Variants in PRKAG2 observed in about 807,000 individuals in gnomAD.
PRKAG2 encodes the protein protein kinase AMP-activated non-catalytic subunit gamma 2.
PRKAG2 carries 26 observed loss-of-function variants against 69.6 expected under a neutral mutation model. That is an observed-to-expected ratio of 0.37 (90% CI 0.27 to 0.52). The LOEUF (loss-of-function observed/expected upper bound fraction) is 0.52. Among genes scored for constraint, PRKAG2 ranks in the 20% least tolerant of loss-of-function variants. The probability of loss-of-function intolerance (pLI) is 0.90; values close to 1 mark genes in which losing one functional copy is unlikely to be tolerated. For synonymous variants in PRKAG2, 293 were observed against 285.0 expected (o/e 1.03, Z -0.28); for missense variants, 557 against 740.0 (o/e 0.75, Z 2.87).
chr7:151,602,767 T>C (rs762091841), intron 5 of PRKAG2, among the ~76,000 whole-genome samples: 14 of 152,166 alleles, frequency 9.2e-5, no homozygotes, highest in African/African-American at 1.2e-4. Flanking sequence ...TGGGAGGTGA[T>C]TGGATCATGG....
chr7:151,838,162 G>C (rs970885832), intron 1 of PRKAG2, among the ~76,000 whole-genome samples: 2 of 152,136 alleles, frequency 1.3e-5, no homozygotes, highest in African/African-American at 4.8e-5. Context: ...ATTTCTAGAA[G>C]CAACGAAGGA....
intron 2 of PRKAG2, among the ~76,000 whole-genome samples, chr7:151,783,107 C>A (rs1328278330): frequency 1.3e-5 from 2 of 152,168 alleles, no homozygotes. Context: ...CACTAGAGGG[C>A]GGCCCAAGCC....
chr7:151,589,955 AG>A (rs967465894), intron 6 of PRKAG2, among the ~76,000 whole-genome samples: 1 of 152,172 alleles, frequency 6.6e-6, no homozygotes. Context: ...AAGAAGAAGA[AG>A]AAAAAAGAAA....
chr7:151,741,844 A>G (rs1295686484), intron 3 of PRKAG2, among the ~76,000 whole-genome samples: 5 of 152,324 alleles, frequency 3.3e-5, no homozygotes, highest in Admixed American at 3.3e-4. Flanking sequence ...CGTGCAGGGC[A>G]GTTGTTGATT....
intron 15 of PRKAG2, chr7:151,559,986 C>T (rs1804544685): frequency 1.0e-6 from 1 of 985,388 alleles, no homozygotes; most frequent in Non-Finnish European, 1.2e-6. Flanking sequence ...CTGTCTGAGA[C>T]TCTGAAGGCT....
intron 1 of PRKAG2, among the ~76,000 whole-genome samples, chr7:151,824,082 G>A (rs1047440900): frequency 1.3e-5 from 2 of 152,170 alleles, no homozygotes; most frequent in African/African-American, 4.8e-5. Context: ...TGTGAAGTCG[G>A]AAATCTGAGC....
chr7:151,820,213 T>C (rs1478758717), intron 1 of PRKAG2, among the ~76,000 whole-genome samples: 1 of 152,236 alleles, frequency 6.6e-6, no homozygotes, highest in Non-Finnish European at 1.5e-5. Flanking sequence ...TTCTAAAAAA[T>C]GGTGCATGCC....
chr7:151,848,654 A>G (rs2079496599), intron 1 of PRKAG2, among the ~76,000 whole-genome samples: 1 of 149,608 alleles, frequency 6.7e-6, no homozygotes, highest in African/African-American at 2.5e-5. Flanking sequence ...CCTCCTGAGT[A>G]GCTGGGATTA....
intron 1 of PRKAG2, among the ~76,000 whole-genome samples, chr7:151,862,208 C>T (rs1191571644): frequency 1.3e-5 from 2 of 152,088 alleles, no homozygotes; most frequent in African/African-American, 4.8e-5. Context: ...ACTAGTCAAT[C>T]AGCCTGAGCC....
chr7:151,720,632 G>C (rs1472280223), intron 3 of PRKAG2, among the ~76,000 whole-genome samples: 1 of 141,172 alleles, frequency 7.1e-6, no homozygotes, highest in Non-Finnish European at 1.5e-5. Context: ...TGGCAGAGGG[G>C]GACAGAGGGG....
chr7:151,851,248 C>A (rs1485928625), intron 1 of PRKAG2, among the ~76,000 whole-genome samples: 2 of 151,788 alleles, frequency 1.3e-5, no homozygotes, highest in African/African-American at 4.9e-5. Flanking sequence ...CTTTCCGGAA[C>A]TGGAGTGAGC....
chr7:151,675,764 C>T (rs764160655), intron 3 of PRKAG2, 127 bp from the exon 4 acceptor site: 24 of 904,202 alleles, frequency 2.7e-5, no homozygotes, highest in East Asian at 1.3e-4. Context: ...CAGGAAGGGA[C>T]GTCGGGGGCA....
chr7:151,874,112 T>G (rs1178457535), intron 1 of PRKAG2, among the ~76,000 whole-genome samples: 2 of 144,850 alleles, frequency 1.4e-5, no homozygotes, highest in Non-Finnish European at 3.0e-5. Flanking sequence ...ATATGATGTA[T>G]ATGTATATGT....
At chr7:151,855,011 C>T (rs565979457) in intron 1 of PRKAG2, among the ~76,000 whole-genome samples, 28 of 102,478 alleles carry the variant, frequency 2.7e-4, no homozygotes, top group African/African-American at 9.5e-4. Context: ...TCCACACACA[C>T]CACCCTCCAC....
rs180917831 is a variant in PRKAG2 at position 151,757,457 on chromosome 7, C to T, written c.466+23695G>A. On this transcript the variant is annotated intron_variant, in intron 3 of 15. Transcript: ENST00000287878. Reference sequence around the variant, plus strand: ...ATGCAGCAGGATGAGACACAGTGCCCGCTCCAGGGTGGGGGTCAACCATGT... The same window carrying T: ...ATGCAGCAGGATGAGACACAGTGCCTGCTCCAGGGTGGGGGTCAACCATGT... 5.3e-5 allele frequency among the ~76,000 whole-genome samples: 8 copies of T among 152,278 alleles called. No homozygotes were observed. In the East Asian group the frequency reaches 1.2e-3, roughly 22 times the overall value.
chr7:151,671,000 C>G lies in PRKAG2; in HGVS notation c.684+4420G>C, dbSNP rs190136772. On this transcript the variant is annotated intron_variant, in intron 4 of 15. Coordinates refer to ENST00000287878, the MANE Select transcript of PRKAG2 (RefSeq NM_016203.4). ...ACCAGCCTGGCCAACATGGCAAAAC[C>G]CCGTCTCTACTAAAAATATAAAAAT... is the stretch of plus-strand genomic sequence containing the variant. Among the ~76,000 whole-genome samples the G allele has an allele frequency of 1.2e-3, 184 of 152,082 alleles. 2 individuals carry two copies. The highest frequency in any genetic ancestry group is 3.0e-3 in the Admixed American group (46 of 15,284).
At chr7:151,624,137 CGTGTGTGTGTGTGT>C (rs58644630) in intron 5 of PRKAG2, among the ~76,000 whole-genome samples, 139 of 145,176 alleles carry the variant, frequency 9.6e-4, no homozygotes, top group African/African-American at 3.5e-3. Context: ...CAGAAGGCAG[CGTGTGTGTGTGTGT>C]GTGTGTGTGT....
chr7:151,833,279 G>A (rs1047623040), intron 1 of PRKAG2, among the ~76,000 whole-genome samples: 2 of 152,206 alleles, frequency 1.3e-5, no homozygotes, highest in African/African-American at 4.8e-5. Flanking sequence ...AGCACCCCGG[G>A]CAGGAGGGTA....
chr7:151,596,590 A>C (rs1814585428), intron 5 of PRKAG2, among the ~76,000 whole-genome samples: 1 of 152,108 alleles, frequency 6.6e-6, no homozygotes. Context: ...CTCTACTAAA[A>C]ATACAAAAAT....
Sources: gnomAD v4.1 joint callset for allele counts (sites outside exome capture counted in the v4.1 genomes callset) on GRCh38, gnomAD v4.1.1 for gene constraint, MANE v1.5 for transcripts, NCBI Gene and HGNC (gene_info 2026-07-23, HGNC 2026-07-21) for gene names.